MIA2: variants seen among roughly 807,000 people sequenced by gnomAD.
The protein encoded by MIA2 is MIA SH3 domain ER export factor 2, also known as melanoma inhibitory activity protein 2.
Under a neutral mutation model 167.8 loss-of-function variants are expected in MIA2, and 127 were observed. The ratio of observed to expected loss-of-function variants is 0.76; its 90% CI spans 0.66 to 0.88. The LOEUF (loss-of-function observed/expected upper bound fraction) is 0.88. Among genes scored for constraint, MIA2 ranks in the 40% least tolerant of loss-of-function variants. The pLI, the probability that MIA2 is intolerant of heterozygous loss-of-function variation, is 0.00. For missense variants in MIA2, 1,690 were observed against 1,624.7 expected (o/e 1.04, Z -0.69); for synonymous variants, 552 against 541.9 (o/e 1.02, Z -0.26).
intron 9 of MIA2, among the ~76,000 whole-genome samples, chr14:39,289,610 T>G (rs2060452743): frequency 6.6e-6 from 1 of 152,218 alleles, no homozygotes; most frequent in South Asian, 2.1e-4. Context: ...ATTTATTCTC[T>G]TAAAATTTTG....
chr14:39,379,148 T>C (rs1673991543), intron 23 of MIA2, among the ~76,000 whole-genome samples: 1 of 152,172 alleles, frequency 6.6e-6, no homozygotes, highest in Non-Finnish European at 1.5e-5. Flanking sequence ...TATAATTTTT[T>C]TTTTTGGTTA....
chr14:39,365,986 T>G (rs1361066733), intron 23 of MIA2, among the ~76,000 whole-genome samples: 1 of 152,220 alleles, frequency 6.6e-6, no homozygotes, highest in Non-Finnish European at 1.5e-5. Flanking sequence ...AGGGCCAGAC[T>G]TTTTCCTAAA....
At chr14:39,324,205 G>A (rs544789329) in intron 24 of MIA2, among the ~76,000 whole-genome samples, 68 of 152,252 alleles carry the variant, frequency 4.5e-4, no homozygotes, top group African/African-American at 1.6e-3. Flanking sequence ...TGGTCTTCTG[G>A]AAGTAAGCAA....
chr14:39,385,858 C>T (rs878875921), intron 23 of MIA2: 15 of 965,854 alleles, frequency 1.6e-5, no homozygotes, highest in African/African-American at 1.1e-4. Context: ...ACCTCTCCCC[C>T]GCATGCCCCG....
At chr14:39,331,232 A>T (rs910011607) in intron 25 of MIA2, among the ~76,000 whole-genome samples, 1 of 151,496 alleles carries the variant, frequency 6.6e-6, no homozygotes, top group African/African-American at 2.4e-5. Flanking sequence ...TGACTTTTTG[A>T]TCTTTGTTGG....
chr14:39,268,233 T>C (rs1225969240), intron 6 of MIA2, among the ~76,000 whole-genome samples: 1 of 152,156 alleles, frequency 6.6e-6, no homozygotes, highest in Non-Finnish European at 1.5e-5. Context: ...CTGGATTAAA[T>C]CTTTAAAAAG....
In MIA2 at chr14:39,294,913, T is replaced by G. The variant is rs778292893; in HGVS notation, c.2392-12T>G. The stretch of plus-strand genomic sequence containing the variant: ...TAATTGTTACAAACTTGACATTTTT[T>G]GTTTCACTTAGGCCAAAATGACCTT... On this transcript the variant is annotated splice_polypyrimidine_tract_variant and intron_variant, in intron 12 of 28. Transcript: ENST00000640607. 4.5e-6 allele frequency: 7 copies of G among 1,560,510 alleles called. No individual in the cohort carries two copies. In the African/African-American group the frequency reaches 8.2e-5, roughly 18 times the overall value.
intron 9 of MIA2, among the ~76,000 whole-genome samples, chr14:39,281,206 T>C (rs2152761821): frequency 6.6e-6 from 1 of 152,322 alleles, no homozygotes; most frequent in African/African-American, 2.4e-5. Flanking sequence ...ATTACAGCTG[T>C]GAGCCACCGT....
intron 17 of MIA2, among the ~76,000 whole-genome samples, chr14:39,307,296 T>C (rs1049511246): frequency 9.2e-5 from 14 of 152,054 alleles, no homozygotes; most frequent in African/African-American, 3.1e-4. Context: ...CTGAGAACTT[T>C]AGTGGCGTTT....
chr14:39,293,795 T>C (rs1222594473), intron 11 of MIA2, among the ~76,000 whole-genome samples: 4 of 152,218 alleles, frequency 2.6e-5, no homozygotes, highest in African/African-American at 9.6e-5. Context: ...TTAAATGTTA[T>C]GAAATATTAA....
At chr14:39,255,658 C>A (rs867787489) in intron 6 of MIA2, among the ~76,000 whole-genome samples, 11 of 152,276 alleles carry the variant, frequency 7.2e-5, no homozygotes, top group South Asian at 6.2e-4. Flanking sequence ...GTATGTCTTG[C>A]TGACCTCTTA....
intron 25 of MIA2, among the ~76,000 whole-genome samples, chr14:39,337,946 C>T (rs1231401057): frequency 6.6e-6 from 1 of 152,160 alleles, no homozygotes; most frequent in Non-Finnish European, 1.5e-5. Flanking sequence ...TGGTCTCGAA[C>T]TTCTGACCTC....
intron 23 of MIA2, 42 bp from the exon 24 acceptor site, chr14:39,320,886 A>C: frequency 6.3e-7 from 1 of 1,599,512 alleles, no homozygotes; most frequent in East Asian, 2.2e-5. Context: ...AGTGTAGCTA[A>C]GTGAAACTAT....
chr14:39,379,293 A>G (rs1233185325), intron 23 of MIA2, among the ~76,000 whole-genome samples: 1 of 152,174 alleles, frequency 6.6e-6, no homozygotes, highest in Non-Finnish European at 1.5e-5. Context: ...TCTCAAAATC[A>G]GCCCTTACCA....
intron 4 of MIA2, among the ~76,000 whole-genome samples, chr14:39,251,256 A>G (rs2054559269): frequency 6.6e-6 from 1 of 152,148 alleles, no homozygotes; most frequent in Admixed American, 6.5e-5. Context: ...ACGGTTATTT[A>G]TATTACAATG....
intron 13 of MIA2, among the ~76,000 whole-genome samples, chr14:39,296,344 T>C (rs2061417403): frequency 6.6e-6 from 1 of 152,146 alleles, no homozygotes; most frequent in South Asian, 2.1e-4. Flanking sequence ...CTCAAAATTT[T>C]GACACTGTCA....
rs767223451 is a variant in MIA2 at position 39,276,944 on chromosome 14, C to T, written c.1898C>T (p.Ala633Val). ...TTCTTTATCTTGAAGGTTGTGGCAG[C>T]ACTGCCTGAAGGTATGAGACCAGAT... Reference protein sequence around the residue: ...IVILTERVVAALPEGMRPDSN... With the variant: ...IVILTERVVAVLPEGMRPDSN... The change falls in exon 7 of 29, where the codon GCA becomes GTA. Residue 633 changes from alanine (A) to valine (V), a missense_variant. Coordinates refer to ENST00000640607, the MANE Select transcript of MIA2 (RefSeq NM_001329214.4). 3 of 1,612,452 alleles carry T rather than the reference C, an allele frequency of 1.9e-6. No homozygotes were observed. Among genetic ancestry groups the T allele is most frequent in the East Asian group, 4.5e-5 (2 of 44,860 alleles).
In MIA2 at chr14:39,263,633, C is replaced by CTCT. The variant is rs1555347090; in HGVS notation, c.1887+10463_1887+10464insCTT. On this transcript the variant is annotated intron_variant, in intron 6 of 28. Transcript: ENST00000640607. ...TTCCTTCCTTCCTCTCTCTCTCTCT[C>CTCT]TTTTTTTTTTTTTTCTGAGACAGAG... is the stretch of plus-strand genomic sequence containing the variant. Among the ~76,000 whole-genome samples the CTCT allele has an allele frequency of 3.2e-4, 42 of 130,912 alleles. No homozygotes were observed. The East Asian group carries it at 3.6e-3, about 11-fold the overall frequency. The allele number at this position is 130,912 out of a possible 152,430, so 85.9% of individuals were successfully genotyped here.
At chr14:39,365,647 ATACCTATC>A (rs1269688495) in intron 23 of MIA2, among the ~76,000 whole-genome samples, 1 of 122,190 alleles carries the variant, frequency 8.2e-6, no homozygotes, top group African/African-American at 3.2e-5. Context: ...GTTTTTAAAA[ATACCTATC>A]TATCTATCTA....
Sources: allele counts gnomAD v4.1 joint callset (sites outside exome capture counted in the v4.1 genomes callset), GRCh38; gene constraint gnomAD v4.1.1; transcripts MANE v1.5; gene names NCBI Gene and HGNC (gene_info 2026-07-23, HGNC 2026-07-21).